TCF12: variants seen among roughly 807,000 people sequenced by gnomAD.
TCF12 encodes the protein DNA-binding protein HTF4.
TCF12 carries 45 observed loss-of-function variants against 86.0 expected under a neutral mutation model. The ratio of observed to expected loss-of-function variants is 0.52; its 90% CI spans 0.41 to 0.67. TCF12 has a LOEUF of 0.67. Among genes scored for constraint, TCF12 ranks in the 30% least tolerant of loss-of-function variants. The pLI, the probability that TCF12 is intolerant of heterozygous loss-of-function variation, is 0.00. For missense variants in TCF12, 881 were observed against 859.9 expected (o/e 1.02, Z -0.31); for synonymous variants, 330 against 299.6 (o/e 1.10, Z -1.05).
At chr15:57,225,266 C>T (rs1432979795) in intron 8 of TCF12, among the ~76,000 whole-genome samples, 1 of 108,682 alleles carries the variant, frequency 9.2e-6, no homozygotes, top group Non-Finnish European at 1.7e-5. Context: ...CGGAGTCTTG[C>T]ACTGTCGCCC....
chr15:57,099,922 A>T, intron 5 of TCF12, among the ~76,000 whole-genome samples: 1 of 151,732 alleles, frequency 6.6e-6, no homozygotes, highest in East Asian at 1.9e-4. Flanking sequence ...AGCTCACAAC[A>T]TTGGCTTAAC....
intron 8 of TCF12, among the ~76,000 whole-genome samples, chr15:57,207,780 A>G (rs1279170576): frequency 6.6e-6 from 1 of 152,172 alleles, no homozygotes. Flanking sequence ...ATTATTTGAA[A>G]TCATGATTTT....
At chr15:57,027,838 A>C (rs1205613716) in intron 3 of TCF12, among the ~76,000 whole-genome samples, 1 of 152,254 alleles carries the variant, frequency 6.6e-6, no homozygotes, top group East Asian at 1.9e-4. Flanking sequence ...TATAAAGGGC[A>C]GTTCCCCTGC....
At chr15:57,035,696 G>GA (rs1282680471) in intron 3 of TCF12, among the ~76,000 whole-genome samples, 4 of 151,888 alleles carry the variant, frequency 2.6e-5, no homozygotes, top group Admixed American at 6.6e-5. Context: ...TATTTTTGGG[G>GA]AAAAAAACAC....
At chr15:57,052,368 C>T (rs537746683) in intron 3 of TCF12, among the ~76,000 whole-genome samples, 1 of 152,044 alleles carries the variant, frequency 6.6e-6, no homozygotes, top group African/African-American at 2.4e-5. Flanking sequence ...TATAGCTAGG[C>T]CGGGCGTGGT....
At chr15:57,206,605 T>TTC (rs1355474401) in intron 8 of TCF12, among the ~76,000 whole-genome samples, 2 of 117,242 alleles carry the variant, frequency 1.7e-5, no homozygotes, top group African/African-American at 5.7e-5. Context: ...TTTTTTTTTT[T>TTC]CTGAGACAGT....
At chr15:57,218,764 A>G (rs2058442193) in intron 8 of TCF12, among the ~76,000 whole-genome samples, 1 of 152,228 alleles carries the variant, frequency 6.6e-6, no homozygotes, top group Non-Finnish European at 1.5e-5. Context: ...AAGTGTTTCC[A>G]TTTTAAAAAC....
chr15:57,257,977 T>G (rs1412831579), intron 16 of TCF12, among the ~76,000 whole-genome samples: 3 of 152,178 alleles, frequency 2.0e-5, no homozygotes, highest in African/African-American at 7.2e-5. Context: ...GAAGGAAAAT[T>G]TTTTAGTAGA....
chr15:57,086,637 TTG>T (rs2048648785), intron 4 of TCF12, among the ~76,000 whole-genome samples: 1 of 151,120 alleles, frequency 6.6e-6, no homozygotes, highest in African/African-American at 2.4e-5. Context: ...CAATTTGGTC[TTG>T]TTAGGGTCCA....
intron 3 of TCF12, among the ~76,000 whole-genome samples, chr15:57,039,975 A>G (rs1244993955): frequency 2.0e-5 from 3 of 152,186 alleles, no homozygotes; most frequent in East Asian, 1.9e-4. Context: ...TTCTGCTTCA[A>G]AAATTATTTC....
intron 6 of TCF12, among the ~76,000 whole-genome samples, chr15:57,187,070 C>T (rs2056710316): frequency 6.6e-6 from 1 of 151,914 alleles, no homozygotes; most frequent in Admixed American, 6.6e-5. Context: ...AATCCCACTC[C>T]TTAGGAGGCC....
chr15:57,055,313 A>T (rs1031991519), intron 3 of TCF12, among the ~76,000 whole-genome samples: 1 of 152,128 alleles, frequency 6.6e-6, no homozygotes, highest in African/African-American at 2.4e-5. Flanking sequence ...GAGGCAGGAG[A>T]ATCGCTTGAA....
chr15:57,056,475 A>T (rs1296191013), intron 3 of TCF12, among the ~76,000 whole-genome samples: 2 of 151,530 alleles, frequency 1.3e-5, no homozygotes, highest in Non-Finnish European at 2.9e-5. Context: ...TTATTTATTT[A>T]TGAGAGAGAA....
At chr15:57,007,135 G>T (rs982726143) in intron 3 of TCF12, among the ~76,000 whole-genome samples, 1 of 152,072 alleles carries the variant, frequency 6.6e-6, no homozygotes, top group Admixed American at 6.6e-5. Context: ...TATTCACATC[G>T]TATGTGAAAC....
chr15:56,925,240 G>GCCCC (rs11465192), intron 3 of TCF12, among the ~76,000 whole-genome samples: 11 of 136,250 alleles, frequency 8.1e-5, no homozygotes, highest in Non-Finnish European at 1.3e-4. Context: ...GGTGTCCACC[G>GCCCC]CCCCCCCACC....
At chr15:57,088,406 A>G (rs537219630) in intron 4 of TCF12, among the ~76,000 whole-genome samples, 3 of 152,288 alleles carry the variant, frequency 2.0e-5, no homozygotes, top group Admixed American at 6.5e-5. Flanking sequence ...CATTGGGGCT[A>G]TATTTGACAG....
At position 56,995,231 on chromosome 15, in the gene TCF12, C is replaced by CTTTTTTTTTTTTTT. The variant is rs557610511; in HGVS notation, c.149-68504_149-68491dup. Among the ~76,000 whole-genome samples the CTTTTTTTTTTTTTT allele has an allele frequency of 8.2e-3, 247 of 30,296 alleles. 66 individuals carry two copies. The highest frequency in any genetic ancestry group is 0.011 in the Non-Finnish European group (179 of 16,182). The allele number at this position is 30,296 out of a possible 152,430, so 19.9% of individuals were successfully genotyped here. ...AAGTCAGGTAATGTGATACCTGCAG[C>CTTTTTTTTTTTTTT]TTTTTTTTTTTTTTTTTTTTTTTTT... On this transcript the variant is annotated intron_variant, in intron 3 of 20. Transcript: ENST00000333725.
At chr15:57,017,389 G>A (rs548651003) in intron 3 of TCF12, among the ~76,000 whole-genome samples, 2 of 152,322 alleles carry the variant, frequency 1.3e-5, no homozygotes, top group Admixed American at 1.3e-4. Flanking sequence ...TGTAAATGAA[G>A]ATTTGTTGTA....
intron 4 of TCF12, among the ~76,000 whole-genome samples, chr15:57,064,490 C>G (rs1305319938): frequency 2.0e-5 from 3 of 151,974 alleles, no homozygotes; most frequent in Non-Finnish European, 4.4e-5. Flanking sequence ...AGTAAACTGA[C>G]GAGGTTAAGA....
Sources: gnomAD v4.1 joint callset for allele counts (sites outside exome capture counted in the v4.1 genomes callset) on GRCh38, gnomAD v4.1.1 for gene constraint, MANE v1.5 for transcripts, NCBI Gene and HGNC (gene_info 2026-07-23, HGNC 2026-07-21) for gene names.